The following CEP63 variants were observed in gnomAD, a reference collection of about 807,000 sequenced individuals.
CEP63 encodes centrosomal protein 63.
A neutral mutation model predicts 89.1 loss-of-function variants in CEP63; 84 were observed. The ratio of observed to expected loss-of-function variants is 0.94; its 90% CI spans 0.79 to 1.13. The LOEUF (loss-of-function observed/expected upper bound fraction) is 1.13. Among genes scored for constraint, CEP63 ranks in the 50% most tolerant of loss-of-function variants. The pLI is 0.00. For missense variants in CEP63, 838 were observed against 813.3 expected, an observed-to-expected ratio of 1.03 and a Z score of -0.37; for synonymous variants, 267 against 272.5, an observed-to-expected ratio of 0.98 and a Z score of 0.20.
chr3:134,656,998 A>G, the CEP63 span, among the ~76,000 whole-genome samples: 1 of 152,226 alleles, frequency 6.6e-6, no homozygotes, highest in Non-Finnish European at 1.5e-5. Context: ...ACTACAACAT[A>G]GAGTATAATA....
At chr3:134,656,206 C>T in the CEP63 span, among the ~76,000 whole-genome samples, 17 of 152,148 alleles carry the variant, frequency 1.1e-4, no homozygotes, top group Non-Finnish European at 1.5e-5. Context: ...GCTACATCCC[C>T]AAACAGTGTC....
the CEP63 span, among the ~76,000 whole-genome samples, chr3:134,639,090 C>A: frequency 1.8e-5 from 2 of 113,454 alleles, no homozygotes; most frequent in South Asian, 2.8e-4. Flanking sequence ...TTTTTTCCTG[C>A]AGTAGCTTAG....
At chr3:134,491,849 C>G (rs1937619529) in intron 1 of CEP63, among the ~76,000 whole-genome samples, 1 of 152,128 alleles carries the variant, frequency 6.6e-6, no homozygotes, top group African/African-American at 2.4e-5. Context: ...CATATCCCTT[C>G]TCTTAGTATG....
At chr3:134,581,462 C>G (rs1305764936) in intron 10 of CEP63, among the ~76,000 whole-genome samples, 1 of 151,088 alleles carries the variant, frequency 6.6e-6, no homozygotes, top group South Asian at 2.1e-4. Context: ...GCACTGTAGT[C>G]CCAGCTACTC....
At chr3:134,619,093 G>C in the CEP63 span, 1 of 1,417,398 alleles carries the variant, frequency 7.1e-7, no homozygotes, top group South Asian at 1.1e-5. Flanking sequence ...TGGCACTGTG[G>C]AAGAGGGAGA....
the CEP63 span, among the ~76,000 whole-genome samples, chr3:134,669,155 A>G: frequency 6.6e-6 from 1 of 151,996 alleles, no homozygotes; most frequent in East Asian, 1.9e-4. Context: ...CCTCTCGAGT[A>G]GCTGGGACTG....
the CEP63 span, chr3:134,607,003 A>G: frequency 1.0e-5 from 10 of 984,488 alleles, no homozygotes; most frequent in Non-Finnish European, 1.1e-5. Flanking sequence ...CATAAGTATC[A>G]GATATATGGA....
the CEP63 span, among the ~76,000 whole-genome samples, chr3:134,782,093 TTC>T: frequency 6.6e-6 from 1 of 152,218 alleles, no homozygotes. Flanking sequence ...TGTGAAAATG[TTC>T]TGAGTTTTAA....
downstream of CEP63, among the ~76,000 whole-genome samples, chr3:134,569,155 G>C (rs1404360394): frequency 1.3e-5 from 2 of 152,168 alleles, no homozygotes; most frequent in Non-Finnish European, 2.9e-5. Flanking sequence ...GTGAAATTTG[G>C]GTGGGGCCCC....
chr3:134,559,097 G>C (rs1294811128), intron 13 of CEP63, 53 bp from the exon 14 acceptor site: 5 of 1,594,782 alleles, frequency 3.1e-6, no homozygotes, highest in Non-Finnish European at 4.3e-6. Context: ...CTGTTGGAAA[G>C]AGAAAAGTTG....
the CEP63 span, among the ~76,000 whole-genome samples, chr3:134,680,553 G>A: frequency 6.6e-6 from 1 of 152,228 alleles, no homozygotes; most frequent in South Asian, 2.1e-4. Flanking sequence ...TCAACTTCAA[G>A]TCAAGACATA....
chr3:134,578,439 TC>T (rs1958269455), downstream of CEP63, among the ~76,000 whole-genome samples: 1 of 151,452 alleles, frequency 6.6e-6, no homozygotes, highest in Non-Finnish European at 1.5e-5. Context: ...CAGATGATTC[TC>T]CTGCCTCAGC....
chr3:134,580,625 TTCC>T (rs1351186502), intron 10 of CEP63, among the ~76,000 whole-genome samples: 1 of 152,180 alleles, frequency 6.6e-6, no homozygotes, highest in Non-Finnish European at 1.5e-5. Flanking sequence ...TGGACAAATA[TTCC>T]TCATGAACAC....
At chr3:134,642,199 A>AT in the CEP63 span, among the ~76,000 whole-genome samples, 1 of 152,162 alleles carries the variant, frequency 6.6e-6, no homozygotes, top group South Asian at 2.1e-4. Context: ...CTTTCTATAG[A>AT]GAAGCTTGTC....
At chr3:134,662,071 G>T in the CEP63 span, among the ~76,000 whole-genome samples, 2 of 152,214 alleles carry the variant, frequency 1.3e-5, no homozygotes, top group South Asian at 4.1e-4. Context: ...GAGGTCAGGA[G>T]TTCGAGACCA....
chr3:134,526,536 G>A (rs536267948), intron 3 of CEP63, among the ~76,000 whole-genome samples: 2 of 152,188 alleles, frequency 1.3e-5, no homozygotes, highest in South Asian at 2.1e-4. Flanking sequence ...CTTGGACTGG[G>A]TTTCAGTATA....
chr3:134,569,258 T>G (rs563642788), downstream of CEP63, among the ~76,000 whole-genome samples: 1 of 152,102 alleles, frequency 6.6e-6, no homozygotes, highest in African/African-American at 2.4e-5. Context: ...TCTCCAAAAG[T>G]CTTAACTTAT....
At chr3:134,615,112 T>C in the CEP63 span, 1 of 152,208 alleles carries the variant, frequency 6.6e-6, no homozygotes, top group Non-Finnish European at 1.5e-5. Flanking sequence ...GTGCTCTCTT[T>C]TCCCTTTTCT....
chr3:134,755,379 T>A, the CEP63 span, among the ~76,000 whole-genome samples: 2 of 152,148 alleles, frequency 1.3e-5, no homozygotes, highest in Non-Finnish European at 2.9e-5. Context: ...GTGATCAGCA[T>A]CTCCGATCCC....
Sources: gnomAD v4.1 joint callset for allele counts (sites outside exome capture counted in the v4.1 genomes callset) on GRCh38, gnomAD v4.1.1 for gene constraint, MANE v1.5 for transcripts, NCBI Gene and HGNC (gene_info 2026-07-23, HGNC 2026-07-21) for gene names.